Variants in PCNX4 observed in about 807,000 individuals in gnomAD.
PCNX4 encodes the protein pecanex 4, also known as pecanex-like protein 4.
PCNX4 carries 103 observed loss-of-function variants against 107.2 expected under a neutral mutation model. The ratio of observed to expected loss-of-function variants is 0.96; its 90% CI spans 0.82 to 1.13. The LOEUF is 1.13. Among genes scored for constraint, PCNX4 ranks in the 50% most tolerant of loss-of-function variants. The probability of loss-of-function intolerance (pLI) is 0.00; values close to 1 mark genes in which losing one functional copy is unlikely to be tolerated. For synonymous variants in PCNX4, 541 were observed against 481.7 expected (o/e 1.12, Z -1.61); for missense variants, 1,528 against 1,379.4 (o/e 1.11, Z -1.71).
intron 10 of PCNX4, among the ~76,000 whole-genome samples, chr14:60,127,387 G>C (rs1896075290): frequency 6.6e-6 from 1 of 152,176 alleles, no homozygotes; most frequent in African/African-American, 2.4e-5. Context: ...GGTCTCTGTT[G>C]AAAACATAGA....
At position 60,138,544 on chromosome 14, in the gene PCNX4, A is replaced by G. The variant is rs1269995766; in HGVS notation, c.*4323A>G. On this transcript the variant is annotated 3_prime_UTR_variant, in exon 11 of 11. Coordinates refer to ENST00000406854, the MANE Select transcript of PCNX4 (RefSeq NM_001330177.2). ...AACTGACAGCTAACTTCTCAACAGA[A>G]AATATGGGAAGCAGAAATCAATGGC... The G allele has an allele frequency of 2.6e-5, 4 of 152,226 alleles. No individual in the cohort carries two copies. The highest frequency in any genetic ancestry group is 1.3e-4 in the Admixed American group (2 of 15,284). 9.4% of individuals were successfully genotyped at this position (152,226 alleles called of 1,614,324 possible). A position where few individuals can be genotyped will look rare whatever the true frequency, so the allele number is the denominator to read the frequency against.
chr14:60,137,433 C>T lies in PCNX4; in HGVS notation c.*3212C>T, dbSNP rs1896252798. On this transcript the variant is annotated 3_prime_UTR_variant, in exon 11 of 11. Transcript: ENST00000406854. ...ACCAGATGCAGTTAGGATCTTCTCA[C>T]TTCCCAAAACTGGATTCAGGTGACC... The T allele has an allele frequency of 6.6e-6, 1 of 152,260 alleles. No homozygotes were observed. Among genetic ancestry groups the T allele is most frequent in the African/African-American group, 2.4e-5 (1 of 41,450 alleles). 9.4% of individuals were successfully genotyped at this position (152,260 alleles called of 1,614,324 possible).
intron 1 of PCNX4, among the ~76,000 whole-genome samples, chr14:60,093,043 C>T (rs926059068): frequency 6.6e-6 from 1 of 152,218 alleles, no homozygotes; most frequent in Admixed American, 6.5e-5. Flanking sequence ...CACCGCCACT[C>T]ACGCCAAATC....
chr14:60,110,236 A>T (rs1022807199), intron 2 of PCNX4: 1 of 167,158 alleles, frequency 6.0e-6, no homozygotes, highest in Non-Finnish European at 1.5e-5. Flanking sequence ...ATTTGACAGG[A>T]TGTAATGATA....
At chr14:60,119,648 A>C (rs758302190) in intron 7 of PCNX4, among the ~76,000 whole-genome samples, 1 of 152,208 alleles carries the variant, frequency 6.6e-6, no homozygotes, top group Admixed American at 6.5e-5. Flanking sequence ...ATTAATTTTC[A>C]TTATGTAATG....
chr14:60,102,220 T>G (rs1055218236), intron 1 of PCNX4, among the ~76,000 whole-genome samples: 1 of 152,112 alleles, frequency 6.6e-6, no homozygotes, highest in Non-Finnish European at 1.5e-5. Context: ...CTCATGTTAG[T>G]GTTCCTACCA....
rs748940177 is a variant in PCNX4 at position 60,121,228 on chromosome 14, C to T, written c.1975C>T (p.Arg659Cys). ...CCTACCTGGATCTCATTACTTGGGCCGTTTTCAGGATCGTTTAATGTGGAT... is the reference window on the plus strand; with the variant it reads ...CCTACCTGGATCTCATTACTTGGGCTGTTTTCAGGATCGTTTAATGTGGAT... Reference protein sequence around the residue: ...LLLPGSHYLGRFQDRLMWIMI... With the variant: ...LLLPGSHYLGCFQDRLMWIMI... Residue 659 changes from arginine to cysteine, a missense_variant, in exon 8 of 11, where the codon CGT (arginine) becomes TGT (cysteine). Arg to Cys is a radical substitution (Grantham distance 180). Coordinates refer to ENST00000406854, the MANE Select transcript of PCNX4 (RefSeq NM_001330177.2). 3.0e-5 allele frequency: 48 copies of T among 1,603,426 alleles called. No homozygotes were observed. Among genetic ancestry groups the T allele is most frequent in the Non-Finnish European group, 3.7e-5 (43 of 1,175,206 alleles).
In PCNX4 at chr14:60,134,464, G is replaced by A; in HGVS notation, c.*243G>A. 2 of 422,154 alleles carry A rather than the reference G, an allele frequency of 4.7e-6. No homozygotes were observed. Among genetic ancestry groups the A allele is most frequent in the Non-Finnish European group, 8.3e-6 (2 of 239,978 alleles). 26.2% of individuals were successfully genotyped at this position (422,154 alleles called of 1,614,324 possible). On this transcript the variant is annotated 3_prime_UTR_variant, in exon 11 of 11. Transcript: ENST00000406854. ...TATTTGTGCCCTCTGGACTTTAGTAGGCTTTGGTAAATGTGAGAAAACTTT... is the reference window on the plus strand; with the variant it reads ...TATTTGTGCCCTCTGGACTTTAGTAAGCTTTGGTAAATGTGAGAAAACTTT...
At chr14:60,105,385 G>A (rs137858760) in intron 1 of PCNX4, among the ~76,000 whole-genome samples, 46 of 152,360 alleles carry the variant, frequency 3.0e-4, no homozygotes, top group African/African-American at 1.0e-3. Flanking sequence ...TTTACAGGGT[G>A]TGAGGTTGAC....
rs759973237 is a variant in PCNX4 at position 60,107,636 on chromosome 14, A to T, written c.-3A>T. 6.2e-7 allele frequency: 1 copy of T among 1,600,478 alleles called. No individual in the cohort carries two copies. Among genetic ancestry groups the T allele is most frequent in the Admixed American group, 1.7e-5 (1 of 58,560 alleles). On this transcript the variant is annotated 5_prime_UTR_variant, in exon 2 of 11. Transcript: ENST00000406854. Reference sequence around the variant, plus strand: ...GTGACTTTCAGAATAATCCCGAGTGAGGATGAGTCCAGATGTGCCTCTACT... The same window carrying T: ...GTGACTTTCAGAATAATCCCGAGTGTGGATGAGTCCAGATGTGCCTCTACT...
chr14:60,130,689 T>C lies in PCNX4; in HGVS notation c.3268-3281T>C, dbSNP rs144188608. Among the ~76,000 whole-genome samples the C allele has an allele frequency of 7.1e-3, 1,081 of 152,160 alleles. 9 individuals are homozygous for C. The highest frequency in any genetic ancestry group is 0.024 in the African/African-American group (1,015 of 41,506). On this transcript the variant is annotated intron_variant, in intron 10 of 10. Coordinates refer to ENST00000406854, the MANE Select transcript of PCNX4 (RefSeq NM_001330177.2). The stretch of plus-strand genomic sequence containing the variant: ...ATATAGGAATGTAATTTGCTAATAA[T>C]TGCACAAAGGAAGCCAGTAGAGGCA...
intron 10 of PCNX4, chr14:60,126,101 G>T: frequency 4.9e-6 from 1 of 204,374 alleles, no homozygotes. Flanking sequence ...TGTGTAGTAT[G>T]CTATAACATA....
intron 7 of PCNX4, among the ~76,000 whole-genome samples, chr14:60,119,402 C>A (rs750196995): frequency 2.0e-5 from 3 of 152,028 alleles, no homozygotes; most frequent in Non-Finnish European, 2.9e-5. Context: ...GTGCTTTAAC[C>A]CCTGAAACTT....
rs183519760 is a variant in PCNX4 at position 60,125,710 on chromosome 14, C to T, written c.3154C>T (p.Leu1052Phe). ...AGACTTTAGAGAACTGATTAAGTAC[C>T]TTGAAGAATATGAACGTGACTGGTA... Reference protein sequence around the residue: ...IEDFRELIKYLEEYERDWYIG... With the variant: ...IEDFRELIKYFEEYERDWYIG... The change falls in exon 10 of 11, where the codon CTT becomes TTT. Residue 1052 changes from leucine to phenylalanine, a missense_variant. Physicochemically the swap from Leu to Phe is conservative, Grantham distance 22. Coordinates refer to ENST00000406854, the MANE Select transcript of PCNX4 (RefSeq NM_001330177.2). 605 of 1,607,804 alleles carry T rather than the reference C, an allele frequency of 3.8e-4. 3 individuals carry two copies. Among genetic ancestry groups the T allele is most frequent in the Non-Finnish European group, 1.5e-5 (18 of 1,176,868 alleles).
Position 60,143,934 on chromosome 14 carries a change from A to C in PCNX4, c.*9713A>C, listed in dbSNP as rs1454002568. The C allele has an allele frequency of 6.6e-6, 1 of 152,260 alleles. No homozygotes were observed. Among genetic ancestry groups the C allele is most frequent in the Non-Finnish European group, 1.5e-5 (1 of 68,044 alleles). The allele number at this position is 152,260 out of a possible 1,614,324, so 9.4% of individuals were successfully genotyped here. On this transcript the variant is annotated 3_prime_UTR_variant, in exon 11 of 11. Transcript: ENST00000406854. ...AAAATTAATAATAGTAGAAGTAAGG[A>C]GTTGCCAGTGGAATCTTCCTGAGCT...
chr14:60,115,331 A>G lies in PCNX4; in HGVS notation c.1227A>G (p.Gln409=), dbSNP rs2140549198. Residue 409 remains glutamine (Q), a synonymous_variant, in exon 4 of 11, where the codon CAA becomes CAG. Transcript: ENST00000406854. ...LIILWILREI[Q]SVYIIGIFRN... Reference sequence around the variant, plus strand: ...TACTGTGGATACTTAGAGAAATTCAAAGCGTATATATCATTGGAATTTTCC... The same window carrying G: ...TACTGTGGATACTTAGAGAAATTCAGAGCGTATATATCATTGGAATTTTCC... 1 of 1,608,604 alleles carries G rather than the reference A, an allele frequency of 6.2e-7. No individual in the cohort carries two copies. Among genetic ancestry groups the G allele is most frequent in the Non-Finnish European group, 8.5e-7 (1 of 1,176,238 alleles).
rs1566527187 is a variant in PCNX4, at chr14:60,144,356, C to G, written c.*10135C>G. On this transcript the variant is annotated 3_prime_UTR_variant, in exon 11 of 11. Coordinates refer to ENST00000406854, the MANE Select transcript of PCNX4 (RefSeq NM_001330177.2). ...GGATGTTTTTGTCCCCTCCAAAATT[C>G]ATGTCGAAACTTAATCCCCAAAGCA... The G allele has an allele frequency of 6.6e-6, 1 of 152,372 alleles. No homozygotes were observed. 9.4% of individuals were successfully genotyped at this position (152,372 alleles called of 1,614,324 possible).
chr14:60,117,829 C>T (rs989809969), intron 6 of PCNX4, among the ~76,000 whole-genome samples: 8 of 151,946 alleles, frequency 5.3e-5, no homozygotes, highest in Non-Finnish European at 1.2e-4. Flanking sequence ...ATTGATTATT[C>T]GTAAATGTTC....
rs1325935596 is a variant in PCNX4 at position 60,115,738 on chromosome 14, A to G, written c.1377A>G (p.Ile459Met). 1 of 1,613,106 alleles carries G rather than the reference A, an allele frequency of 6.2e-7. No individual in the cohort carries two copies. Among genetic ancestry groups the G allele is most frequent in the East Asian group, 2.2e-5 (1 of 44,840 alleles). The change falls in exon 5 of 11, where the codon ATA becomes ATG. Residue 459 changes from isoleucine to methionine, a missense_variant. Ile to Met is a conservative substitution (Grantham distance 10). Transcript: ENST00000406854. ...TTTTAGTATCACCTTTTGCCATGAT[A>G]GCATTTCTTTCATTGGACAGTTCCT... is the stretch of plus-strand genomic sequence containing the variant. ...LLTLVSPFAM[I>M]AFLSLDSSLQ...
Sources: allele counts gnomAD v4.1 joint callset (sites outside exome capture counted in the v4.1 genomes callset), GRCh38; gene constraint gnomAD v4.1.1; transcripts MANE v1.5; gene names NCBI Gene and HGNC (gene_info 2026-07-23, HGNC 2026-07-21).